Variants in NRXN3 observed in about 807,000 individuals in gnomAD.
NRXN3 encodes neurexin III.
In NRXN3, 32 loss-of-function variants were observed where a neutral mutation model predicts 137.6. That is an observed-to-expected ratio of 0.23 (90% CI 0.18 to 0.31). NRXN3 has a LOEUF of 0.31. Ranked by LOEUF, NRXN3 falls within the 10% of genes least tolerant of loss-of-function variation. NRXN3 has a pLI of 1.00. For missense variants in NRXN3, 1,574 were observed against 2,062.5 expected (o/e 0.76, Z 4.59); for synonymous variants, 798 against 784.5 (o/e 1.02, Z -0.29).
At chr14:79,843,903 C>T (rs1568428946) in intron 20 of NRXN3, among the ~76,000 whole-genome samples, 2 of 152,042 alleles carry the variant, frequency 1.3e-5, no homozygotes, top group South Asian at 2.1e-4. Flanking sequence ...TCCCTTGCCC[C>T]CTCCCAACCT....
At chr14:78,758,011 C>G (rs1397663707) in intron 8 of NRXN3, among the ~76,000 whole-genome samples, 1 of 152,164 alleles carries the variant, frequency 6.6e-6, no homozygotes, top group African/African-American at 2.4e-5. Context: ...CAGGAAAGCA[C>G]CCCATTCTTG....
intron 16 of NRXN3, among the ~76,000 whole-genome samples, chr14:79,564,101 C>A (rs746053778): frequency 2.0e-5 from 3 of 151,196 alleles, no homozygotes; most frequent in Non-Finnish European, 4.4e-5. Flanking sequence ...TTTAATAATA[C>A]GCAAAATTAC....
At chr14:78,964,649 C>T (rs2099414101) in intron 11 of NRXN3, among the ~76,000 whole-genome samples, 1 of 152,164 alleles carries the variant, frequency 6.6e-6, no homozygotes, top group African/African-American at 2.4e-5. Context: ...AGAATTCCCC[C>T]TCTAATGCTT....
intron 15 of NRXN3, among the ~76,000 whole-genome samples, chr14:79,024,351 A>G (rs1048969471): frequency 6.6e-6 from 1 of 152,174 alleles, no homozygotes; most frequent in East Asian, 1.9e-4. Flanking sequence ...TAAATAAATA[A>G]AATTCAATAA....
At chr14:79,169,226 A>G (rs1168504543) in intron 15 of NRXN3, among the ~76,000 whole-genome samples, 1 of 152,052 alleles carries the variant, frequency 6.6e-6, no homozygotes, top group African/African-American at 2.4e-5. Flanking sequence ...CACTGAGACT[A>G]TAGGCTGTCA....
intron 16 of NRXN3, among the ~76,000 whole-genome samples, chr14:79,530,708 C>A (rs2097162367): frequency 4.6e-5 from 7 of 151,296 alleles, no homozygotes; most frequent in Admixed American, 4.6e-4. Flanking sequence ...AGTGGGAAAC[C>A]AAGGAGGGGG....
chr14:79,576,015 C>T (rs1438164462), intron 16 of NRXN3, among the ~76,000 whole-genome samples: 2 of 152,102 alleles, frequency 1.3e-5, no homozygotes, highest in Non-Finnish European at 2.9e-5. Context: ...GCAGGTGCTG[C>T]CAAAATGGTA....
chr14:79,411,228 G>A (rs972696997), intron 15 of NRXN3, among the ~76,000 whole-genome samples: 1 of 152,052 alleles, frequency 6.6e-6, no homozygotes, highest in Non-Finnish European at 1.5e-5. Flanking sequence ...TAATGGAGGG[G>A]TATTACCAAG....
At chr14:78,497,627 T>C (rs892769938) in intron 4 of NRXN3, among the ~76,000 whole-genome samples, 1 of 149,112 alleles carries the variant, frequency 6.7e-6, no homozygotes, top group Non-Finnish European at 1.5e-5. Context: ...TCCATCCATC[T>C]ATCCATCTGT....
At chr14:78,514,685 A>G (rs2153793193) in intron 4 of NRXN3, among the ~76,000 whole-genome samples, 1 of 152,302 alleles carries the variant, frequency 6.6e-6, no homozygotes, top group East Asian at 1.9e-4. Context: ...TATGGAGACA[A>G]ACAATTAAAA....
intron 16 of NRXN3, among the ~76,000 whole-genome samples, chr14:79,604,028 C>T (rs2097962345): frequency 6.6e-6 from 1 of 151,996 alleles, no homozygotes; most frequent in Non-Finnish European, 1.5e-5. Flanking sequence ...GCTGGAATTA[C>T]AGGTCCCCAC....
At chr14:79,205,738 C>T (rs1044706617) in intron 15 of NRXN3, among the ~76,000 whole-genome samples, 1 of 152,164 alleles carries the variant, frequency 6.6e-6, no homozygotes, top group Non-Finnish European at 1.5e-5. Flanking sequence ...AACACCACCT[C>T]CTGGTAGGAT....
At chr14:78,548,303 A>G (rs1312439096) in intron 4 of NRXN3, among the ~76,000 whole-genome samples, 1 of 152,218 alleles carries the variant, frequency 6.6e-6, no homozygotes, top group East Asian at 1.9e-4. Context: ...TCTATCAATA[A>G]TTAACCATTT....
chr14:79,709,725 T>C (rs143683579), intron 19 of NRXN3, among the ~76,000 whole-genome samples: 12 of 152,226 alleles, frequency 7.9e-5, no homozygotes, highest in African/African-American at 2.9e-4. Flanking sequence ...TAATGCACAA[T>C]GAAATTTCAC....
At chr14:79,824,936 A>G (rs748618953) in intron 20 of NRXN3, among the ~76,000 whole-genome samples, 28 of 152,236 alleles carry the variant, frequency 1.8e-4, no homozygotes, top group Non-Finnish European at 3.2e-4. Flanking sequence ...CAGAAGATTG[A>G]CATGAAAAAC....
Position 78,610,224 on chromosome 14 carries a change from T to C in NRXN3, c.758-34896T>C, listed in dbSNP as rs542557139. Among the ~76,000 whole-genome samples, 76 of 152,356 alleles carry C rather than the reference T, an allele frequency of 5.0e-4. 2 individuals are homozygous for C. The South Asian group carries it at 0.015, about 29-fold the overall frequency. On this transcript the variant is annotated intron_variant, in intron 4 of 20. Transcript: ENST00000335750. Reference sequence around the variant, plus strand: ...ATGCAACTAGCACGTGGAAATATTTTAAAAAGCTGAGCCAACGTTTAAAAA... The same window carrying C: ...ATGCAACTAGCACGTGGAAATATTTCAAAAAGCTGAGCCAACGTTTAAAAA...
intron 1 of NRXN3, among the ~76,000 whole-genome samples, chr14:78,181,668 G>T (rs545032609): frequency 1.3e-4 from 20 of 152,214 alleles, no homozygotes; most frequent in African/African-American, 4.6e-4. Context: ...GTAAATCTCC[G>T]CACAACTTGA....
chr14:78,301,906 CAG>C (rs2076911973), intron 4 of NRXN3, among the ~76,000 whole-genome samples: 1 of 152,162 alleles, frequency 6.6e-6, no homozygotes, highest in South Asian at 2.1e-4. Context: ...GCTTCATTCT[CAG>C]AAATCTGTCA....
chr14:79,626,866 A>G (rs970934542), intron 16 of NRXN3, among the ~76,000 whole-genome samples: 2 of 152,212 alleles, frequency 1.3e-5, no homozygotes, highest in Non-Finnish European at 2.9e-5. Context: ...ACATAGAAAT[A>G]AATAAAGAAA....
Sources: allele counts gnomAD v4.1 joint callset (sites outside exome capture counted in the v4.1 genomes callset), GRCh38; gene constraint gnomAD v4.1.1; transcripts MANE v1.5; gene names NCBI Gene and HGNC (gene_info 2026-07-23, HGNC 2026-07-21).